Variants in LTBP3 observed in about 807,000 individuals in gnomAD.
LTBP3 encodes the protein latent transforming growth factor beta binding protein 3, also known as latent-transforming growth factor beta-binding protein 3.
In LTBP3, 97 loss-of-function variants were observed where a neutral mutation model predicts 159.7. The observed-to-expected ratio is 0.61, with a 90% CI of 0.52 to 0.72. The LOEUF is 0.72. Among genes scored for constraint, LTBP3 ranks in the 30% least tolerant of loss-of-function variants. The pLI is 0.00. For missense variants in LTBP3, 1,584 were observed against 1,864.3 expected (o/e 0.85, Z 2.77); for synonymous variants, 824 against 777.1 (o/e 1.06, Z -1.00).
rs1411269737 is a variant in LTBP3, at chr11:65,546,398, C to T, written c.2353+44G>A. The T allele has an allele frequency of 1.1e-5, 16 of 1,501,364 alleles. No individual in the cohort carries two copies. The South Asian group carries it at 1.2e-4, about 11-fold the overall frequency. 93.0% of individuals were successfully genotyped at this position (1,501,364 alleles called of 1,614,324 possible). ...CGTGACCCGCTCCCCGGCTTCAGCG[C>T]GTAGGGGGCGGCGGAGGCCCGGGGC... On this transcript the variant is annotated intron_variant, in intron 16 of 27. Coordinates refer to ENST00000301873, the MANE Select transcript of LTBP3 (RefSeq NM_001130144.3). The surrounding 1 kb of genome is among the most constrained non-coding windows in gnomAD (Gnocchi z 4.0).
Position 65,541,176 on chromosome 11 carries a change from G to T in LTBP3, c.2843C>A (p.Ala948Asp), listed in dbSNP as rs1184736242. 1 of 1,602,914 alleles carries T rather than the reference G, an allele frequency of 6.2e-7. No homozygotes were observed. The highest frequency in any genetic ancestry group is 1.4e-5 in the African/African-American group (1 of 73,374). Reference sequence around the variant, plus strand: ...GATTTCGCAGTGGTCGCCCCAGCCGGCCCCCAGAGAGCAGCAGCACTCCTG... The same window carrying T: ...GATTTCGCAGTGGTCGCCCCAGCCGTCCCCCAGAGAGCAGCAGCACTCCTG... ...TQQECCCSLG[A>D]GWGDHCEIYP... Residue 948 changes from alanine (A) to aspartate (D), a missense_variant, in exon 20 of 28, where the codon GCC becomes GAC. Physicochemically the swap from Ala to Asp is moderately radical, Grantham distance 126. This residue lies in a region of LTBP3 where 565 missense variants were observed against 677.7 expected (regional missense o/e 0.83). Transcript: ENST00000301873.
In LTBP3 at chr11:65,538,746, G is replaced by C. The variant is rs1855878841; in HGVS notation, c.*334C>G. Reference sequence around the variant, plus strand: ...CAGTCTAGCCCCTGGGAGGCGGCTGGGGTCTGGCGCCGCCCTGCGCAGCCC... The same window carrying C: ...CAGTCTAGCCCCTGGGAGGCGGCTGCGGTCTGGCGCCGCCCTGCGCAGCCC... On this transcript the variant is annotated 3_prime_UTR_variant, in exon 28 of 28. Transcript: ENST00000301873. 1.0e-6 allele frequency: 1 copy of C among 976,112 alleles called. No individual in the cohort carries two copies. Among genetic ancestry groups the C allele is most frequent in the Non-Finnish European group, 1.5e-6 (1 of 682,890 alleles). 60.5% of individuals were successfully genotyped at this position (976,112 alleles called of 1,614,324 possible).
At chr11:65,541,357 ACCCACCACAGGTCT>A in intron 19 of LTBP3, 64 bp from the exon 20 acceptor site, 1 of 1,569,576 alleles carries the variant, frequency 6.4e-7, no homozygotes, top group South Asian at 1.1e-5. Flanking sequence ...CACCCTGCCC[ACCCACCACAGGTCT>A]TTCCCCCCAC....
In LTBP3 at chr11:65,553,931, C is replaced by T. The variant is rs764017994; in HGVS notation, c.662-28G>A. 2.6e-6 allele frequency: 4 copies of T among 1,513,304 alleles called. No homozygotes were observed. The highest frequency in any genetic ancestry group is 8.9e-7 in the Non-Finnish European group (1 of 1,127,174). The allele number at this position is 1,513,304 out of a possible 1,614,324, so 93.7% of individuals were successfully genotyped here. On this transcript the variant is annotated intron_variant, in intron 2 of 27. Transcript: ENST00000301873. This position sits in a 1 kb window ranked among gnomAD's most constrained non-coding sequence, Gnocchi z 6.5. ...GGGGGCGGGCGCGGTGGCCTCAGGG[C>T]TGCCCGCACCGCGCCGCGGGTCACC...
In LTBP3 at chr11:65,557,927, C is replaced by G. The variant is rs927974835; in HGVS notation, c.33G>C (p.Leu11=). 9.8e-6 allele frequency: 12 copies of G among 1,230,182 alleles called. No homozygotes were observed. Among genetic ancestry groups the G allele is most frequent in the Non-Finnish European group, 8.2e-6 (8 of 978,006 alleles). The allele number at this position is 1,230,182 out of a possible 1,614,324, so 76.2% of individuals were successfully genotyped here. Residue 11 remains leucine, a synonymous_variant, in exon 1 of 28, where the codon CTG becomes CTC. Transcript: ENST00000301873. ...CCCCCGCCCCGCGCATCTCAGGGGC[C>G]AGGCCGCCAGCAGCCCCTCGGGGCC... MPGPRGAAGG[L]APEMRGAGAA...
Position 65,539,467 on chromosome 11 carries a change from G to A in LTBP3, c.3629-8C>T. On this transcript the variant is annotated splice_region_variant and splice_polypyrimidine_tract_variant and intron_variant, in intron 26 of 27. Coordinates refer to ENST00000301873, the MANE Select transcript of LTBP3 (RefSeq NM_001130144.3). ...CCTCTGAACTGTCCTCATCTGCGTG[G>A]CCCGGAACAATATGGACTTCAACAC... The A allele has an allele frequency of 1.3e-6, 2 of 1,573,236 alleles. No individual in the cohort carries two copies. The highest frequency in any genetic ancestry group is 2.4e-5 in the East Asian group (1 of 42,240).
In LTBP3 at chr11:65,558,059, G is replaced by GGGGCAGCGAGGGA; in HGVS notation, c.-113_-101dup. 9.4e-7 allele frequency: 1 copy of GGGGCAGCGAGGGA among 1,066,886 alleles called. No individual in the cohort carries two copies. The highest frequency in any genetic ancestry group is 1.1e-6 in the Non-Finnish European group (1 of 881,504). The allele number at this position is 1,066,886 out of a possible 1,614,324, so 66.1% of individuals were successfully genotyped here. ...GGCCGGGAGCCCCGGGAGAGGGTAG[G>GGGGCAGCGAGGGA]GGGCAGCGAGGGAGGGCAGCGGGGG... On this transcript the variant is annotated 5_prime_UTR_variant, in exon 1 of 28. Transcript: ENST00000301873.
Position 65,557,992 on chromosome 11 carries a change from C to T in LTBP3, c.-33G>A. 1 of 1,117,114 alleles carries T rather than the reference C, an allele frequency of 9.0e-7. No individual in the cohort carries two copies. Among genetic ancestry groups the T allele is most frequent in the Non-Finnish European group, 1.1e-6 (1 of 915,710 alleles). The allele number at this position is 1,117,114 out of a possible 1,614,324, so 69.2% of individuals were successfully genotyped here. On this transcript the variant is annotated 5_prime_UTR_variant, in exon 1 of 28. Coordinates refer to ENST00000301873, the MANE Select transcript of LTBP3 (RefSeq NM_001130144.3). ...CGCAGGACCCGGGGGAGGGGGGGCGCGCCCGGGCGGGGCGAGGGGCCCGCG... is the reference window on the plus strand; with the variant it reads ...CGCAGGACCCGGGGGAGGGGGGGCGTGCCCGGGCGGGGCGAGGGGCCCGCG...
intron 26 of LTBP3, 32 bp from the exon 27 acceptor site, chr11:65,539,491 A>G: frequency 6.3e-7 from 1 of 1,590,752 alleles, no homozygotes. Context: ...GGACTTCAAC[A>G]CTGAGCCCCG....
In LTBP3 at chr11:65,554,728, G is replaced by A. The variant is rs938706223; in HGVS notation, c.332-348C>T. On this transcript the variant is annotated intron_variant, in intron 1 of 27. Coordinates refer to ENST00000301873, the MANE Select transcript of LTBP3 (RefSeq NM_001130144.3). This position sits in a 1 kb window ranked among gnomAD's most constrained non-coding sequence, Gnocchi z 5.3. ...CCCCAGGGCCTGGTACACAAAGGGT[G>A]CTTAATAAGTGGTAGCAAATAATTA... 3.8e-4 allele frequency among the ~76,000 whole-genome samples: 58 copies of A among 152,076 alleles called. 1 individual carries two copies. Among genetic ancestry groups the A allele is most frequent in the African/African-American group, 1.3e-3 (54 of 41,380 alleles).
intron 19 of LTBP3, 60 bp from the exon 20 acceptor site, chr11:65,541,353 G>T: frequency 6.3e-7 from 1 of 1,576,580 alleles, no homozygotes; most frequent in Non-Finnish European, 8.6e-7. Context: ...TGTCCACCCT[G>T]CCCACCCACC....
intron 11 of LTBP3, among the ~76,000 whole-genome samples, chr11:65,549,565 A>ATTTT (rs1856514122): frequency 1.4e-5 from 1 of 70,896 alleles, no homozygotes; most frequent in African/African-American, 5.6e-5. Flanking sequence ...CGCCCAGCTA[A>ATTTT]TCTTTTTTTT....
At chr11:65,540,733 A>AGGAGGGGCGGGGCCTG in intron 21 of LTBP3, 119 bp from the exon 22 acceptor site, 1 of 1,508,412 alleles carries the variant, frequency 6.6e-7, no homozygotes, top group Non-Finnish European at 9.1e-7. Context: ...GGCGGGGCCT[A>AGGAGGGGCGGGGCCTG]CAGGGCGGGG....
At chr11:65,544,922 G>A (rs925041871) in intron 16 of LTBP3, 1 of 152,286 alleles carries the variant, frequency 6.6e-6, no homozygotes, top group African/African-American at 2.4e-5. Flanking sequence ...AGAGTCCCCA[G>A]GTCTTGTTCT....
Position 65,551,529 on chromosome 11 carries a change from T to A in LTBP3, c.1548+19A>T. On this transcript the variant is annotated intron_variant, in intron 9 of 27. Coordinates refer to ENST00000301873, the MANE Select transcript of LTBP3 (RefSeq NM_001130144.3). ...GTCCCTCGCCTGCCCACCCCTCCCA[T>A]CTGGGTTCTCATACTCACTGAGTCC... 1.2e-6 allele frequency: 2 copies of A among 1,613,990 alleles called. No homozygotes were observed. Among genetic ancestry groups the A allele is most frequent in the Non-Finnish European group, 1.7e-6 (2 of 1,179,994 alleles).
chr11:65,539,947 C>G, intron 24 of LTBP3, 66 bp from the exon 25 acceptor site: 1 of 1,463,232 alleles, frequency 6.8e-7, no homozygotes. Flanking sequence ...CGCCCCACCC[C>G]ACCTGCGCGG....
intron 17 of LTBP3, 45 bp downstream of exon 17, chr11:65,543,382 G>A (rs1476413045): frequency 6.2e-7 from 1 of 1,612,984 alleles, no homozygotes; most frequent in East Asian, 2.2e-5. Context: ...GGGGGTCCTG[G>A]GGTAGGGAGG....
Position 65,539,689 on chromosome 11 carries a change from C to A in LTBP3, c.3547+31G>T, listed in dbSNP as rs752365016. On this transcript the variant is annotated intron_variant, in intron 25 of 27. Coordinates refer to ENST00000301873, the MANE Select transcript of LTBP3 (RefSeq NM_001130144.3). ...CCCCGGGCCCTGGCCCCCATCCTCG[C>A]TCCCGGCCAACTCCTCCCCGACTGC... The A allele has an allele frequency of 1.4e-5, 22 of 1,571,478 alleles. No homozygotes were observed. The African/African-American group carries it at 2.8e-4, about 20-fold the overall frequency.
In LTBP3 at chr11:65,546,844, G is replaced by A. The variant is rs778935701; in HGVS notation, c.2184C>T (p.Ile728=). The stretch of plus-strand genomic sequence containing the variant: ...GGCTGCGGTAGCCAGGCTGACAGGC[G>A]ATGCACTTGAAGCTCCCGGGCTTGT... ...CENKPGSFKC[I]ACQPGYRSQG... Residue 728 remains isoleucine, a synonymous_variant, in exon 15 of 28, where the codon ATC becomes ATT. Transcript: ENST00000301873. The surrounding 1 kb of genome is among the most constrained non-coding windows in gnomAD (Gnocchi z 4.0). 2 of 1,610,830 alleles carry A rather than the reference G, an allele frequency of 1.2e-6. No individual in the cohort carries two copies. Among genetic ancestry groups the A allele is most frequent in the East Asian group, 2.2e-5 (1 of 44,888 alleles).
Sources: allele counts gnomAD v4.1 joint callset (sites outside exome capture counted in the v4.1 genomes callset), GRCh38; gene constraint gnomAD v4.1.1; regional missense constraint gnomAD v4.1.1; non-coding constraint Gnocchi (gnomAD v3.1); transcripts MANE v1.5; gene names NCBI Gene and HGNC (gene_info 2026-07-23, HGNC 2026-07-21).